The following KLHL5 variants were observed in gnomAD, a reference collection of about 807,000 sequenced individuals.
The protein encoded by KLHL5 is kelch-like protein 5.
KLHL5 carries 48 observed loss-of-function variants against 77.7 expected under a neutral mutation model. The observed-to-expected ratio is 0.62, with a 90% CI of 0.49 to 0.79. The LOEUF (loss-of-function observed/expected upper bound fraction) is 0.79. Among genes scored for constraint, KLHL5 ranks in the 30% least tolerant of loss-of-function variants. The pLI is 0.00. For synonymous variants in KLHL5, 260 were observed against 297.0 expected (o/e 0.88, Z 1.28); for missense variants, 723 against 859.7 (o/e 0.84, Z 1.99).
At chr4:39,091,141 A>G (rs1720510174) in intron 5 of KLHL5, among the ~76,000 whole-genome samples, 1 of 151,892 alleles carries the variant, frequency 6.6e-6, no homozygotes, top group African/African-American at 2.4e-5. Context: ...GGCGCATGCC[A>G]CTACGCCTGG....
intron 2 of KLHL5, among the ~76,000 whole-genome samples, chr4:39,078,967 T>C (rs1719353685): frequency 6.6e-6 from 1 of 151,954 alleles, no homozygotes; most frequent in African/African-American, 2.4e-5. Flanking sequence ...GGCTTGGTAT[T>C]AAAATTTTCA....
At chr4:39,071,081 A>G (rs910777726) in intron 1 of KLHL5, among the ~76,000 whole-genome samples, 1 of 152,134 alleles carries the variant, frequency 6.6e-6, no homozygotes, top group Non-Finnish European at 1.5e-5. Flanking sequence ...TGTATATTAT[A>G]TAGAAATTGT....
intron 1 of KLHL5, among the ~76,000 whole-genome samples, chr4:39,052,322 A>G (rs772051524): frequency 3.3e-5 from 5 of 151,918 alleles, no homozygotes; most frequent in Non-Finnish European, 7.4e-5. Context: ...GGGTTTCACT[A>G]TTGGCCAGGC....
At position 39,086,582 on chromosome 4, in the gene KLHL5, T is replaced by C. The variant is rs765816790; in HGVS notation, c.968T>C (p.Leu323Pro). 6.2e-6 allele frequency: 10 copies of C among 1,613,874 alleles called. No homozygotes were observed. The highest frequency in any genetic ancestry group is 8.5e-6 in the Non-Finnish European group (10 of 1,179,942). The change falls in exon 5 of 11, where the codon CTC becomes CCC. Residue 323 changes from leucine (L) to proline (P), a missense_variant. Transcript: ENST00000504108. ...VLLPASEIAK[L>P]LASDDMNIPN... ...TTACCAGCCAGCGAAATTGCAAAGC[T>C]CTTGGCTAGTGATGACATGAACATT...
chr4:39,055,800 A>G lies in KLHL5; in HGVS notation c.-94-6759A>G, dbSNP rs571470865. Among the ~76,000 whole-genome samples the G allele has an allele frequency of 1.1e-4, 17 of 152,294 alleles. No individual in the cohort carries two copies. In the East Asian group the frequency reaches 3.1e-3, roughly 28 times the overall value. On this transcript the variant is annotated intron_variant, in intron 1 of 11. Transcript: ENST00000261425. The stretch of plus-strand genomic sequence containing the variant: ...GTGTGTATCTTCGTCATGCTGTATT[A>G]TAATTTTTAAATTTAATGTCAGTTC...
chr4:39,109,867 A>G (rs1722328953), intron 8 of KLHL5, among the ~76,000 whole-genome samples: 1 of 149,286 alleles, frequency 6.7e-6, no homozygotes, highest in Non-Finnish European at 1.5e-5. Flanking sequence ...TATTCTTAAT[A>G]GAGACAGGGT....
chr4:39,056,361 G>C (rs1223625701), intron 1 of KLHL5, among the ~76,000 whole-genome samples: 1 of 152,134 alleles, frequency 6.6e-6, no homozygotes, highest in African/African-American at 2.4e-5. Context: ...TCCACCCTCA[G>C]GGGTGCTGGG....
chr4:39,091,841 A>ATT (rs1720591554), intron 5 of KLHL5, among the ~76,000 whole-genome samples: 9 of 101,752 alleles, frequency 8.8e-5, no homozygotes, highest in South Asian at 6.5e-4. Flanking sequence ...ACATCTGACT[A>ATT]GTTTTTTTTT....
At position 39,122,499 on chromosome 4, in the gene KLHL5, A is replaced by G. The variant is rs796118778; in HGVS notation, c.*1433A>G. On this transcript the variant is annotated 3_prime_UTR_variant, in exon 11 of 11. Transcript: ENST00000504108. ...AGTCTTCACTCTTACTATTCCTGCC[A>G]CTAGGTAGAAAAAGAAAGATTTCGG... Among the ~76,000 whole-genome samples, 17 of 152,256 alleles carry G rather than the reference A, an allele frequency of 1.1e-4. No homozygotes were observed. Among genetic ancestry groups the G allele is most frequent in the African/African-American group, 3.9e-4 (16 of 41,542 alleles).
chr4:39,114,669 CTGTTGTACTA>C (rs1722707858), intron 9 of KLHL5, among the ~76,000 whole-genome samples: 1 of 152,170 alleles, frequency 6.6e-6, no homozygotes, highest in African/African-American at 2.4e-5. Context: ...TATGGGCTTG[CTGTTGTACTA>C]CACTCAGTGG....
At chr4:39,134,536 G>C in the KLHL5 span, among the ~76,000 whole-genome samples, 10 of 152,294 alleles carry the variant, frequency 6.6e-5, no homozygotes, top group African/African-American at 2.2e-4. Context: ...ATGGAGGTGA[G>C]TTTAAGCTGT....
At chr4:39,142,179 A>T in the KLHL5 span, among the ~76,000 whole-genome samples, 1 of 152,116 alleles carries the variant, frequency 6.6e-6, no homozygotes, top group Non-Finnish European at 1.5e-5. Context: ...GTATATTCAA[A>T]CTCAACATTT....
intron 5 of KLHL5, chr4:39,093,367 G>A: frequency 2.2e-6 from 1 of 455,346 alleles, no homozygotes; most frequent in South Asian, 1.6e-5. Context: ...CAGTAAATGG[G>A]CATGTGGGAT....
At chr4:39,136,884 G>A in the KLHL5 span, among the ~76,000 whole-genome samples, 1 of 152,174 alleles carries the variant, frequency 6.6e-6, no homozygotes, top group Non-Finnish European at 1.5e-5. Context: ...GGCCATCCAC[G>A]ACGGAGAACT....
downstream of KLHL5, among the ~76,000 whole-genome samples, chr4:39,131,652 A>T (rs183970191): frequency 9.2e-5 from 14 of 152,332 alleles, no homozygotes; most frequent in African/African-American, 3.4e-4. Flanking sequence ...GCACTTTGGG[A>T]GGCCCAGGCA....
intron 7 of KLHL5, among the ~76,000 whole-genome samples, chr4:39,107,193 G>A (rs975980324): frequency 6.6e-6 from 1 of 151,918 alleles, no homozygotes; most frequent in Non-Finnish European, 1.5e-5. Flanking sequence ...GATTACAGGT[G>A]CCCGCCACCA....
chr4:39,081,031 A>G lies in KLHL5; in HGVS notation c.567-72A>G. ...CACTGTGAGTAACAAATAAAAAAGA[A>G]GCAGCAGCATTTATTAATGAACATC... On this transcript the variant is annotated intron_variant, in intron 2 of 10. Coordinates refer to ENST00000504108, the MANE Select transcript of KLHL5 (RefSeq NM_015990.5). This position sits in a 1 kb window ranked among gnomAD's most constrained non-coding sequence, Gnocchi z 4.3. 1 of 1,442,432 alleles carries G rather than the reference A, an allele frequency of 6.9e-7. No individual in the cohort carries two copies. The highest frequency in any genetic ancestry group is 9.4e-7 in the Non-Finnish European group (1 of 1,060,832). 89.4% of individuals were successfully genotyped at this position (1,442,432 alleles called of 1,614,324 possible).
chr4:39,137,637 C>T, the KLHL5 span, among the ~76,000 whole-genome samples: 7 of 152,096 alleles, frequency 4.6e-5, no homozygotes, highest in Admixed American at 4.6e-4. Flanking sequence ...AACAAACAAA[C>T]AAAGAATAAA....
At chr4:39,099,072 C>T (rs969336112) in intron 6 of KLHL5, among the ~76,000 whole-genome samples, 2 of 151,956 alleles carry the variant, frequency 1.3e-5, no homozygotes, top group Non-Finnish European at 2.9e-5. Context: ...CACTTGAGGT[C>T]GGGAGGTTGA....
Sources: allele counts gnomAD v4.1 joint callset (sites outside exome capture counted in the v4.1 genomes callset), GRCh38; gene constraint gnomAD v4.1.1; non-coding constraint Gnocchi (gnomAD v3.1); transcripts MANE v1.5; gene names NCBI Gene and HGNC (gene_info 2026-07-23, HGNC 2026-07-21).